Variants in CAPZB observed in about 807,000 individuals in gnomAD.
The protein encoded by CAPZB is capping actin protein of muscle Z-line subunit beta.
CAPZB carries 2 observed loss-of-function variants against 38.1 expected under a neutral mutation model. The observed-to-expected ratio is 0.05, with a 90% CI of 0.02 to 0.17. The LOEUF is 0.17. CAPZB is among the 10% of genes least tolerant of loss of function. The pLI is 1.00. For synonymous variants in CAPZB, 107 were observed against 127.4 expected (o/e 0.84, Z 1.08); for missense variants, 161 against 334.2 (o/e 0.48, Z 4.04).
rs990736243 is a variant in CAPZB, at chr1:19,405,333, A to G, written c.93+14328T>C. On this transcript the variant is annotated intron_variant, in intron 2 of 8. Transcript: ENST00000264202. ...GGAAGCCAGAGGGCCCTCCAGTGCT[A>G]AGAGTACAGTTACAGCACACAGCAG... Among the ~76,000 whole-genome samples the G allele has an allele frequency of 4.6e-5, 7 of 152,236 alleles. No homozygotes were observed. In the East Asian group the frequency reaches 5.8e-4, roughly 13 times the overall value.
In CAPZB at chr1:19,356,823, C is replaced by T. The variant is rs528138099; in HGVS notation, c.472-72G>A. On this transcript the variant is annotated intron_variant, in intron 5 of 8. Coordinates refer to ENST00000264202, the MANE Select transcript of CAPZB (RefSeq NM_004930.5). The surrounding 1 kb of genome is among the most constrained non-coding windows in gnomAD (Gnocchi z 4.3). ...GTGGCCCCTGGAATTCAGGGTCATC[C>T]TAACATCTCCCTTCCTAGGTCATTA... The T allele has an allele frequency of 2.5e-5, 22 of 887,554 alleles. No individual in the cohort carries two copies. In the East Asian group the frequency reaches 5.3e-4, roughly 21 times the overall value. 55.0% of individuals were successfully genotyped at this position (887,554 alleles called of 1,614,324 possible).
intron 6 of CAPZB, among the ~76,000 whole-genome samples, chr1:19,346,802 TGACCC>T: frequency 6.7e-6 from 1 of 148,400 alleles, no homozygotes; most frequent in African/African-American, 2.5e-5. Context: ...GCGGCAGCAC[TGACCC>T]GACTTTTGTC....
intron 2 of CAPZB, among the ~76,000 whole-genome samples, chr1:19,401,478 G>A (rs1346566035): frequency 6.6e-6 from 1 of 151,552 alleles, no homozygotes; most frequent in Non-Finnish European, 1.5e-5. Flanking sequence ...AATTTTGCCT[G>A]ACACTCTTGC....
At chr1:19,390,885 T>G (rs1389650637) in intron 2 of CAPZB, among the ~76,000 whole-genome samples, 2 of 152,188 alleles carry the variant, frequency 1.3e-5, no homozygotes, top group Non-Finnish European at 2.9e-5. Flanking sequence ...CCCTTCCCTA[T>G]GATCCTGACA....
At chr1:19,439,256 T>C (rs907223869) in intron 1 of CAPZB, among the ~76,000 whole-genome samples, 1 of 152,242 alleles carries the variant, frequency 6.6e-6, no homozygotes, top group African/African-American at 2.4e-5. Flanking sequence ...GTAAATGTTC[T>C]ATATTTACAG....
intron 1 of CAPZB, among the ~76,000 whole-genome samples, chr1:19,434,427 A>C (rs2094451532): frequency 6.6e-6 from 1 of 152,100 alleles, no homozygotes; most frequent in Non-Finnish European, 1.5e-5. Context: ...ATAAAAAAAA[A>C]ACAAAAACAG....
intron 2 of CAPZB, among the ~76,000 whole-genome samples, chr1:19,405,541 C>CAAAAAAAAAAA (rs10577923): frequency 2.1e-5 from 2 of 96,510 alleles, no homozygotes; most frequent in Non-Finnish European, 3.9e-5. Flanking sequence ...TAGAAAGAGG[C>CAAAAAAAAAAA]AAAAAAAAAA....
intron 4 of CAPZB, among the ~76,000 whole-genome samples, chr1:19,369,031 G>C (rs1451902273): frequency 6.6e-6 from 1 of 152,228 alleles, no homozygotes; most frequent in Non-Finnish European, 1.5e-5. Context: ...CATCTGGTTA[G>C]AGGAACCCAA....
At chr1:19,345,289 C>T in intron 6 of CAPZB, 37 bp from the exon 7 acceptor site, 1 of 1,562,526 alleles carries the variant, frequency 6.4e-7, no homozygotes, top group Non-Finnish European at 8.8e-7. Context: ...CAGAGAAAGC[C>T]AGAGATTTCT....
chr1:19,448,915 TGGA>T, intron 1 of CAPZB: 6 of 1,612,766 alleles, frequency 3.7e-6, no homozygotes, highest in Non-Finnish European at 4.2e-6. Context: ...GCCTGGGCAT[TGGA>T]GGAGGTGATG....
intron 1 of CAPZB, among the ~76,000 whole-genome samples, chr1:19,464,171 A>T (rs982311666): frequency 6.6e-6 from 1 of 150,950 alleles, no homozygotes; most frequent in Non-Finnish European, 1.5e-5. Context: ...TGGGCAACAG[A>T]GCAAGACTCT....
At chr1:19,340,907 C>T (rs2093924737) in intron 8 of CAPZB, among the ~76,000 whole-genome samples, 1 of 151,944 alleles carries the variant, frequency 6.6e-6, no homozygotes, top group Non-Finnish European at 1.5e-5. Context: ...ACGGAGAGTG[C>T]ACTCAGCCGG....
intron 1 of CAPZB, among the ~76,000 whole-genome samples, chr1:19,468,277 C>A (rs897949265): frequency 6.6e-6 from 1 of 152,172 alleles, no homozygotes; most frequent in Non-Finnish European, 1.5e-5. Flanking sequence ...AAACATACTG[C>A]TTTTATAACA....
intron 1 of CAPZB, among the ~76,000 whole-genome samples, chr1:19,453,890 T>C (rs1010527579): frequency 6.7e-6 from 1 of 149,166 alleles, no homozygotes; most frequent in Non-Finnish European, 1.5e-5. Flanking sequence ...CATCCCCTGG[T>C]AGACATCCCT....
intron 1 of CAPZB, among the ~76,000 whole-genome samples, chr1:19,447,272 CTTTTTTTTTT>C (rs35692222): frequency 2.7e-5 from 2 of 74,876 alleles, no homozygotes; most frequent in African/African-American, 1.1e-4. Flanking sequence ...CAGACCTAAT[CTTTTTTTTTT>C]TTTTTTTTTT....
rs2094156862 is a variant in CAPZB, at chr1:19,378,775, G to T, written c.216-122C>A. On this transcript the variant is annotated intron_variant, in intron 3 of 8. Coordinates refer to ENST00000264202, the MANE Select transcript of CAPZB (RefSeq NM_004930.5). The stretch of plus-strand genomic sequence containing the variant: ...AGGCAAAGCCGCTAACTCCAGCAAA[G>T]ATTTTTCTGGGTCCTGGCAACAAAC... The T allele has an allele frequency of 1.3e-5, 8 of 613,114 alleles. No individual in the cohort carries two copies. The South Asian group carries it at 1.3e-4, about 10-fold the overall frequency. The allele number at this position is 613,114 out of a possible 1,614,324, so 38.0% of individuals were successfully genotyped here. A position where few individuals can be genotyped will look rare whatever the true frequency, so the allele number is the denominator to read the frequency against.
At chr1:19,340,316 G>A (rs2093920996) in intron 8 of CAPZB, among the ~76,000 whole-genome samples, 2 of 152,188 alleles carry the variant, frequency 1.3e-5, no homozygotes, top group Admixed American at 1.3e-4. Flanking sequence ...CCTCAGCCCG[G>A]ATTGCAAAGG....
intron 1 of CAPZB, among the ~76,000 whole-genome samples, chr1:19,447,569 T>C (rs1342589522): frequency 1.3e-5 from 2 of 152,058 alleles, no homozygotes; most frequent in Admixed American, 1.3e-4. Flanking sequence ...AGCATCATCA[T>C]AGAAGGCTGA....
intron 1 of CAPZB, chr1:19,449,361 T>C: frequency 9.8e-7 from 1 of 1,015,388 alleles, no homozygotes; most frequent in Non-Finnish European, 1.2e-6. Context: ...TGCCAGTGAA[T>C]CAGACCTTGT....
Sources: gnomAD v4.1 joint callset for allele counts (sites outside exome capture counted in the v4.1 genomes callset) on GRCh38, gnomAD v4.1.1 for gene constraint, Gnocchi (gnomAD v3.1) non-coding constraint, MANE v1.5 for transcripts, NCBI Gene and HGNC (gene_info 2026-07-23, HGNC 2026-07-21) for gene names.